The following MEGF8 variants were observed in gnomAD, a reference collection of about 807,000 sequenced individuals.
MEGF8 encodes the protein multiple EGF like domains 8.
In MEGF8, 156 loss-of-function variants were observed where a neutral mutation model predicts 302.9. That is an observed-to-expected ratio of 0.52 (90% confidence interval 0.45 to 0.59). The LOEUF (loss-of-function observed/expected upper bound fraction) is 0.59, where lower values mean the gene tolerates loss of function less well. Among genes scored for constraint, MEGF8 ranks in the 20% least tolerant of loss-of-function variants. The pLI is 0.00. For missense variants in MEGF8, 3,345 were observed against 3,964.5 expected (o/e 0.84, Z 4.20); for synonymous variants, 1,621 against 1,660.5 (o/e 0.98, Z 0.58).
At chr19:42,331,663 G>T (rs899482527) in intron 1 of MEGF8, among the ~76,000 whole-genome samples, 2 of 151,484 alleles carry the variant, frequency 1.3e-5, no homozygotes, top group Admixed American at 6.6e-5. Context: ...TCTGCCTCCC[G>T]GGTTCAAGAA....
At chr19:42,328,546 T>G (rs1270612553) in intron 1 of MEGF8, among the ~76,000 whole-genome samples, 1 of 132,070 alleles carries the variant, frequency 7.6e-6, no homozygotes, top group African/African-American at 3.2e-5. Context: ...GTCAAGCTAG[T>G]GGGATGAGAA....
In MEGF8 at chr19:42,326,337, G is replaced by T; in HGVS notation, c.94G>T (p.Gly32Trp). The T allele has an allele frequency of 6.3e-7, 1 of 1,580,166 alleles. No homozygotes were observed. The highest frequency in any genetic ancestry group is 8.6e-7 in the Non-Finnish European group (1 of 1,167,274). ...SPGARAGDCKGQRQVLREAPG... is the reference protein window; with the variant it reads ...SPGARAGDCKWQRQVLREAPG... Reference sequence around the variant, plus strand: ...TGGGGCCCGGGCGGGGGACTGCAAGGGGCAGCGGCAGGTGCTGCGGGAGGC... The same window carrying T: ...TGGGGCCCGGGCGGGGGACTGCAAGTGGCAGCGGCAGGTGCTGCGGGAGGC... Residue 32 changes from glycine to tryptophan, a missense_variant, in exon 1 of 42, where the codon GGG becomes TGG. Coordinates refer to ENST00000251268, the MANE Select transcript of MEGF8 (RefSeq NM_001271938.2).
At position 42,375,509 on chromosome 19, in the gene MEGF8, C is replaced by G. The variant is rs113822011; in HGVS notation, c.7272C>G (p.Cys2424Trp). 6.3e-7 allele frequency: 1 copy of G among 1,577,342 alleles called. No individual in the cohort carries two copies. The highest frequency in any genetic ancestry group is 8.6e-7 in the Non-Finnish European group (1 of 1,162,536). Residue 2424 changes from cysteine (C) to tryptophan (W), a missense_variant and splice_region_variant, in exon 42 of 42, where the codon TGC (cysteine) becomes TGG (tryptophan). Transcript: ENST00000251268. This position sits in a 1 kb window ranked among gnomAD's most constrained non-coding sequence, Gnocchi z 7.1. The part of the protein sequence containing the change: ...SDRRDCYKYQ[C>W]AKCRESFHGS... ...ACCGCCTCTAACCCTGCCCGCAGTG[C>G]GCCAAGTGCCGGGAATCATTTCACG...
rs146094970 is a variant in MEGF8 at position 42,375,510 on chromosome 19, G to A, written c.7273G>A (p.Ala2425Thr). Residue 2425 changes from alanine (A) to threonine (T), a missense_variant, in exon 42 of 42, where the codon GCC (alanine) becomes ACC (threonine). By Grantham distance (58) the Ala-to-Thr change is moderately conservative (BLOSUM62 0). Transcript: ENST00000251268. The surrounding 1 kb of genome is among the most constrained non-coding windows in gnomAD (Gnocchi z 7.1). ...CCGCCTCTAACCCTGCCCGCAGTGC[G>A]CCAAGTGCCGGGAATCATTTCACGG... The part of the protein sequence containing the change: ...DRRDCYKYQC[A>T]KCRESFHGSP... 52 of 1,578,272 alleles carry A rather than the reference G, an allele frequency of 3.3e-5. No individual in the cohort carries two copies. In the African/African-American group the frequency reaches 5.8e-4, roughly 18 times the overall value.
At position 42,358,632 on chromosome 19, in the gene MEGF8, G is replaced by A. The variant is rs890366096; in HGVS notation, c.5176-155G>A. Among the ~76,000 whole-genome samples, 4 of 152,158 alleles carry A rather than the reference G, an allele frequency of 2.6e-5. No individual in the cohort carries two copies. The highest frequency in any genetic ancestry group is 2.9e-5 in the Non-Finnish European group (2 of 68,024). ...CCGCTCTTTCTGCCTTCAAGGCCAA[G>A]GAGAATGTGTGTGGGAGGGCAGGGA... On this transcript the variant is annotated intron_variant, in intron 29 of 41. Coordinates refer to ENST00000251268, the MANE Select transcript of MEGF8 (RefSeq NM_001271938.2). The surrounding 1 kb of genome is among the most constrained non-coding windows in gnomAD (Gnocchi z 4.4).
Position 42,336,677 on chromosome 19 carries a change from T to C in MEGF8, c.1245-130T>C. On this transcript the variant is annotated intron_variant, in intron 6 of 41. Coordinates refer to ENST00000251268, the MANE Select transcript of MEGF8 (RefSeq NM_001271938.2). This position sits in a 1 kb window ranked among gnomAD's most constrained non-coding sequence, Gnocchi z 4.8. ...CAGGGTCCTGCCCACAGGGAACTTC[T>C]AGTTTGGAGGGGACATAGAGTCAGT... The C allele has an allele frequency of 7.3e-7, 1 of 1,366,212 alleles. No homozygotes were observed. Among genetic ancestry groups the C allele is most frequent in the South Asian group, 1.5e-5 (1 of 65,028 alleles). 84.6% of individuals were successfully genotyped at this position (1,366,212 alleles called of 1,614,324 possible).
chr19:42,359,229 G>A lies in MEGF8; in HGVS notation c.5475G>A (p.Leu1825=), dbSNP rs116630802. 5.9e-3 allele frequency: 9,235 copies of A among 1,577,866 alleles called. 421 individuals are homozygous for A. In the African/African-American group the frequency reaches 0.11, roughly 18 times the overall value. Residue 1825 remains leucine (L), a synonymous_variant, in exon 31 of 42, where the codon CTG becomes CTA. Transcript: ENST00000251268. The part of the protein sequence containing the change: ...LYQVNCNAWL[L]PDLTRSASVG... The stretch of plus-strand genomic sequence containing the variant: ...AGGTCAACTGCAATGCCTGGCTTCT[G>A]CCCGACCTCACCCGTAAGTCCCCAT...
intron 5 of MEGF8, among the ~76,000 whole-genome samples, chr19:42,335,605 G>C (rs1222384032): frequency 6.6e-6 from 1 of 151,880 alleles, no homozygotes; most frequent in Non-Finnish European, 1.5e-5. Flanking sequence ...TGTGTCTCCT[G>C]TTGCTCAATC....
At chr19:42,327,533 C>G (rs563464190) in intron 1 of MEGF8, among the ~76,000 whole-genome samples, 1 of 152,340 alleles carries the variant, frequency 6.6e-6, no homozygotes, top group East Asian at 1.9e-4. Flanking sequence ...CCAGCCCTAC[C>G]CTTCTGGGCT....
Position 42,326,176 on chromosome 19 carries a change from C to A in MEGF8, c.-68C>A. On this transcript the variant is annotated 5_prime_UTR_variant, in exon 1 of 42. Transcript: ENST00000251268. ...AGGTCGCATTTGCAGGGCCTCACCC[C>A]GGGTAGAGGGTCCTCTCCAGGTTTT... 7.0e-7 allele frequency: 1 copy of A among 1,434,724 alleles called. No individual in the cohort carries two copies. Among genetic ancestry groups the A allele is most frequent in the Non-Finnish European group, 9.1e-7 (1 of 1,100,040 alleles). The allele number at this position is 1,434,724 out of a possible 1,614,324, so 88.9% of individuals were successfully genotyped here. A position where few individuals can be genotyped will look rare whatever the true frequency, so the allele number is the denominator to read the frequency against.
Position 42,357,290 on chromosome 19 carries a change from T to G in MEGF8, c.4831-114T>G. On this transcript the variant is annotated intron_variant, in intron 27 of 41. Coordinates refer to ENST00000251268, the MANE Select transcript of MEGF8 (RefSeq NM_001271938.2). This position sits in a 1 kb window ranked among gnomAD's most constrained non-coding sequence, Gnocchi z 5.2. ...GCTGGTCCGACTGGCCCTGGGGGGG[T>G]CATTCCCTCCTTAGTACTTCAGGGA... is the stretch of plus-strand genomic sequence containing the variant. 7.6e-7 allele frequency: 1 copy of G among 1,312,418 alleles called. No homozygotes were observed. The allele number at this position is 1,312,418 out of a possible 1,614,324, so 81.3% of individuals were successfully genotyped here.
intron 23 of MEGF8, 63 bp from the exon 24 acceptor site, chr19:42,355,695 T>A: frequency 6.7e-7 from 1 of 1,489,120 alleles, no homozygotes; most frequent in Non-Finnish European, 9.0e-7. Context: ...TTTCTTAGCA[T>A]CTGGGGGTGG....
chr19:42,346,121 C>T (rs1186555801), intron 12 of MEGF8, among the ~76,000 whole-genome samples: 1 of 152,244 alleles, frequency 6.6e-6, no homozygotes, highest in East Asian at 1.9e-4. Context: ...AGCATGGTCT[C>T]GATCTCCTGA....
chr19:42,351,751 A>T lies in MEGF8; in HGVS notation c.3091A>T (p.Thr1031Ser). ...CTGGTGTGGCAATGAGGACAACCCC[A>T]CACTGGGACGGTGAGCCCGGGCAGG... ...CGWCGNEDNP[T>S]LGRCLQGDFS... The change falls in exon 18 of 42, where the codon ACA becomes TCA. Residue 1031 changes from threonine (T) to serine (S), a missense_variant. By Grantham distance (58) the Thr-to-Ser change is moderately conservative (BLOSUM62 1). Coordinates refer to ENST00000251268, the MANE Select transcript of MEGF8 (RefSeq NM_001271938.2). This position sits in a 1 kb window ranked among gnomAD's most constrained non-coding sequence, Gnocchi z 5.6. The T allele has an allele frequency of 1.3e-6, 2 of 1,577,802 alleles. No homozygotes were observed. The highest frequency in any genetic ancestry group is 1.7e-6 in the Non-Finnish European group (2 of 1,162,794).
intron 35 of MEGF8, 136 bp downstream of exon 35, chr19:42,363,398 C>T: frequency 1.3e-6 from 1 of 771,720 alleles, no homozygotes; most frequent in African/African-American, 1.7e-5. Context: ...TGCAGTCGTG[C>T]TTCCTTCTCG....
Position 42,375,753 on chromosome 19 carries a change from A to T in MEGF8, c.7516A>T (p.Thr2506Ser). ...TFGAVDLYVSTSYDTFVVRVA... is the reference protein window; with the variant it reads ...TFGAVDLYVSSSYDTFVVRVA... ...CGGGGCCGTGGACCTCTATGTCTCC[A>T]CCTCCTATGACACCTTCGTGGTCCG... is the stretch of plus-strand genomic sequence containing the variant. Residue 2506 changes from threonine (T) to serine (S), a missense_variant, in exon 42 of 42, where the codon ACC becomes TCC. By Grantham distance (58) the Thr-to-Ser change is moderately conservative. Coordinates refer to ENST00000251268, the MANE Select transcript of MEGF8 (RefSeq NM_001271938.2). The surrounding 1 kb of genome is among the most constrained non-coding windows in gnomAD (Gnocchi z 7.1). 6.2e-7 allele frequency: 1 copy of T among 1,612,108 alleles called. No homozygotes were observed. The highest frequency in any genetic ancestry group is 8.5e-7 in the Non-Finnish European group (1 of 1,179,574).
chr19:42,336,000 G>T lies in MEGF8; in HGVS notation c.898G>T (p.Asp300Tyr). 6.5e-7 allele frequency: 1 copy of T among 1,542,176 alleles called. No homozygotes were observed. Residue 300 changes from aspartate to tyrosine, a missense_variant, in exon 6 of 42, where the codon GAC becomes TAC. By Grantham distance (160) the Asp-to-Tyr change is radical (BLOSUM62 -3). Coordinates refer to ENST00000251268, the MANE Select transcript of MEGF8 (RefSeq NM_001271938.2). ...SLVLMGGELADGSLTNDVWAF... is the reference protein window; with the variant it reads ...SLVLMGGELAYGSLTNDVWAF... ...GGTACTGATGGGTGGTGAGCTGGCT[G>T]ACGGCTCGCTCACCAACGACGTGTG... is the stretch of plus-strand genomic sequence containing the variant.
In MEGF8 at chr19:42,373,132, C is replaced by T. The variant is rs370750289; in HGVS notation, c.7269+1650C>T. Among the ~76,000 whole-genome samples, 6 of 150,596 alleles carry T rather than the reference C, an allele frequency of 4.0e-5. No homozygotes were observed. The South Asian group carries it at 8.4e-4, about 21-fold the overall frequency. On this transcript the variant is annotated intron_variant, in intron 41 of 41. Coordinates refer to ENST00000251268, the MANE Select transcript of MEGF8 (RefSeq NM_001271938.2). ...TTTTTGAGACGGAGTCTCACTCTGT[C>T]GCCAAGCTGGAGTGCAGTGGCGTGA...
intron 1 of MEGF8, among the ~76,000 whole-genome samples, chr19:42,328,567 A>AGAGTGTGTGTGTGTGTGTGTGTGTGT (rs2039014792): frequency 1.4e-5 from 2 of 146,712 alleles, no homozygotes; most frequent in African/African-American, 2.5e-5. Context: ...CAGAATAGGA[A>AGAGTGTGTGTGTGTGTGTGTGTGTGT]GTGTGTGTGT....
Sources: allele counts gnomAD v4.1 joint callset (sites outside exome capture counted in the v4.1 genomes callset), GRCh38; gene constraint gnomAD v4.1.1; non-coding constraint Gnocchi (gnomAD v3.1); transcripts MANE v1.5; gene names NCBI Gene and HGNC (gene_info 2026-07-23, HGNC 2026-07-21).